PYGO1: variants seen among roughly 807,000 people sequenced by gnomAD.
PYGO1 encodes the protein pygopus homolog 1.
A neutral mutation model predicts 29.5 loss-of-function variants in PYGO1; 6 were observed. That is an observed-to-expected ratio of 0.20 (90% confidence interval 0.11 to 0.40). The LOEUF (loss-of-function observed/expected upper bound fraction) is 0.40. Among genes scored for constraint, PYGO1 ranks in the 10% least tolerant of loss-of-function variants. The pLI is 1.00. For missense variants in PYGO1, 515 were observed against 514.9 expected, an observed-to-expected ratio of 1.00 and a Z score of 0.00; for synonymous variants, 186 against 180.5, an observed-to-expected ratio of 1.03 and a Z score of -0.24.
chr15:55,577,110 G>T (rs182989216), intron 1 of PYGO1, among the ~76,000 whole-genome samples: 44 of 152,182 alleles, frequency 2.9e-4, no homozygotes, highest in Non-Finnish European at 5.4e-4. Context: ...CAAAGATGTG[G>T]GACAGAAAGT....
chr15:55,563,176 GA>G (rs2058940540), intron 1 of PYGO1, among the ~76,000 whole-genome samples: 1 of 151,972 alleles, frequency 6.6e-6, no homozygotes. Context: ...CACAATGGGG[GA>G]AAATATTTGC....
Position 55,558,902 on chromosome 15 carries a change from A to G in PYGO1, c.50-9907T>C, listed in dbSNP as rs559098160. Reference sequence around the variant, plus strand: ...ATCCCTAGAAGAAAACCTAGGCAATACCATTCAGGACATAGGCATGGGCAA... The same window carrying G: ...ATCCCTAGAAGAAAACCTAGGCAATGCCATTCAGGACATAGGCATGGGCAA... On this transcript the variant is annotated intron_variant, in intron 1 of 2. Coordinates refer to ENST00000563719, the MANE Select transcript of PYGO1 (RefSeq NM_001367806.1). Among the ~76,000 whole-genome samples the G allele has an allele frequency of 5.9e-3, 896 of 152,000 alleles. 11 individuals are homozygous for G. Among genetic ancestry groups the G allele is most frequent in the African/African-American group, 0.02 (849 of 41,496 alleles).
chr15:55,588,423 C>G (rs1349757852), upstream of PYGO1, among the ~76,000 whole-genome samples: 1 of 148,664 alleles, frequency 6.7e-6, no homozygotes, highest in Non-Finnish European at 1.5e-5. Flanking sequence ...CGCGGCTTCC[C>G]CGCCCTGAGC....
rs1305480758 is a variant in PYGO1 at position 55,539,514 on chromosome 15, TTAA to T, written c.*6506_*6508del. ...ATTTTTCCACAAAGCAGTTCATGAA[TTAA>T]TAATACTTCTTTAGACGTCTATGAT... On this transcript the variant is annotated 3_prime_UTR_variant, in exon 3 of 3. Coordinates refer to ENST00000563719, the MANE Select transcript of PYGO1 (RefSeq NM_001367806.1). The T allele has an allele frequency of 2.0e-5, 3 of 152,048 alleles. No homozygotes were observed. The highest frequency in any genetic ancestry group is 2.9e-5 in the Non-Finnish European group (2 of 67,946). The allele number at this position is 152,048 out of a possible 1,614,324, so 9.4% of individuals were successfully genotyped here. A position where few individuals can be genotyped will look rare whatever the true frequency, so the allele number is the denominator to read the frequency against.
intron 1 of PYGO1, among the ~76,000 whole-genome samples, chr15:55,587,227 C>T (rs1169511386): frequency 6.6e-6 from 1 of 152,140 alleles, no homozygotes; most frequent in Admixed American, 6.5e-5. Flanking sequence ...CTAACCAGTG[C>T]GCAAGAAAGA....
At chr15:55,569,882 G>T (rs1320212138) in intron 1 of PYGO1, among the ~76,000 whole-genome samples, 1 of 152,152 alleles carries the variant, frequency 6.6e-6, no homozygotes, top group Non-Finnish European at 1.5e-5. Context: ...TAGCTGCACT[G>T]CCAGGTCACC....
At chr15:55,549,947 T>G (rs1400272503) in intron 1 of PYGO1, among the ~76,000 whole-genome samples, 2 of 152,172 alleles carry the variant, frequency 1.3e-5, no homozygotes, top group African/African-American at 4.8e-5. Flanking sequence ...AGTACTACTT[T>G]GAAGAAAATT....
Position 55,546,610 on chromosome 15 carries a change from G to T in PYGO1, c.673C>A (p.Pro225Thr). 6.2e-7 allele frequency: 1 copy of T among 1,613,892 alleles called. No individual in the cohort carries two copies. Among genetic ancestry groups the T allele is most frequent in the Non-Finnish European group, 8.5e-7 (1 of 1,179,946 alleles). Residue 225 changes from proline to threonine, a missense_variant, in exon 3 of 3, where the codon CCC becomes ACC. Physicochemically the swap from Pro to Thr is conservative, Grantham distance 38 (BLOSUM62 -1). Transcript: ENST00000563719. Reference sequence around the variant, plus strand: ...TTTGCTTGACCAAAAGTGTTTGGGGGAGGAATAAAAGAATGATTAGATTCT... The same window carrying T: ...TTTGCTTGACCAAAAGTGTTTGGGGTAGGAATAAAAGAATGATTAGATTCT... ...PLESNHSFIP[P>T]PNTFGQAKAP...
chr15:55,546,684 A>G lies in PYGO1; in HGVS notation c.599T>C (p.Leu200Ser). Reference protein sequence around the residue: ...QNASQVSNPDLASNFVPGNNS... With the variant: ...QNASQVSNPDSASNFVPGNNS... The stretch of plus-strand genomic sequence containing the variant: ...ATTTCCAGGAACAAAATTAGATGCC[A>G]AATCGGGGTTAGAAACTTGGCTAGC... Residue 200 changes from leucine (L) to serine (S), a missense_variant, in exon 3 of 3, where the codon TTG becomes TCG. By Grantham distance (145) the Leu-to-Ser change is moderately radical. Coordinates refer to ENST00000563719, the MANE Select transcript of PYGO1 (RefSeq NM_001367806.1). 6.2e-7 allele frequency: 1 copy of G among 1,614,110 alleles called. No individual in the cohort carries two copies. Among genetic ancestry groups the G allele is most frequent in the Non-Finnish European group, 8.5e-7 (1 of 1,179,974 alleles).
chr15:55,554,676 T>C (rs992353406), intron 1 of PYGO1, among the ~76,000 whole-genome samples: 3 of 151,908 alleles, frequency 2.0e-5, no homozygotes, highest in Non-Finnish European at 2.9e-5. Flanking sequence ...AAGAGGAATA[T>C]AGGTGACATG....
At chr15:55,561,088 A>G (rs981301360) in intron 1 of PYGO1, among the ~76,000 whole-genome samples, 1 of 152,214 alleles carries the variant, frequency 6.6e-6, no homozygotes, top group African/African-American at 2.4e-5. Context: ...TTCAAACTAT[A>G]CTACAAGGCT....
chr15:55,552,498 A>G (rs1013002689), intron 1 of PYGO1, among the ~76,000 whole-genome samples: 2 of 152,096 alleles, frequency 1.3e-5, no homozygotes, highest in African/African-American at 4.8e-5. Context: ...CAAGTGAACA[A>G]CTTGACCCAC....
intron 1 of PYGO1, among the ~76,000 whole-genome samples, chr15:55,579,578 C>G (rs1032103224): frequency 6.6e-6 from 1 of 152,038 alleles, no homozygotes; most frequent in African/African-American, 2.4e-5. Flanking sequence ...TGCAGTGGCA[C>G]CATCACAACT....
chr15:55,541,028 G>C lies in PYGO1; in HGVS notation c.*4995C>G, dbSNP rs1297587567. 12 of 152,140 alleles carry C rather than the reference G, an allele frequency of 7.9e-5. No homozygotes were observed. Among genetic ancestry groups the C allele is most frequent in the Non-Finnish European group, 1.6e-4 (11 of 68,026 alleles). The allele number at this position is 152,140 out of a possible 1,614,324, so 9.4% of individuals were successfully genotyped here. ...ACATCTACAGAACAAGAAAGGTACA[G>C]GTATTTAGAATAAGTTTTAATATAA... On this transcript the variant is annotated 3_prime_UTR_variant, in exon 3 of 3. Coordinates refer to ENST00000563719, the MANE Select transcript of PYGO1 (RefSeq NM_001367806.1).
Position 55,545,858 on chromosome 15 carries a change from A to C in PYGO1, c.*165T>G. Reference sequence around the variant, plus strand: ...ATTATTCTCATTTAAGACAGCAAGCAAAGACAATAAAAAATTTGCTCTAGT... The same window carrying C: ...ATTATTCTCATTTAAGACAGCAAGCCAAGACAATAAAAAATTTGCTCTAGT... On this transcript the variant is annotated 3_prime_UTR_variant, in exon 3 of 3. Transcript: ENST00000563719. The C allele has an allele frequency of 1.5e-6, 1 of 682,452 alleles. No homozygotes were observed. Among genetic ancestry groups the C allele is most frequent in the Non-Finnish European group, 2.3e-6 (1 of 429,408 alleles). 42.3% of individuals were successfully genotyped at this position (682,452 alleles called of 1,614,324 possible).
At chr15:55,556,316 C>T (rs115038046) in intron 1 of PYGO1, among the ~76,000 whole-genome samples, 3,116 of 152,256 alleles carry the variant, frequency 0.02, 102 homozygotes, top group East Asian at 0.12. Context: ...CACCACAGCG[C>T]AATCAAATGA....
At position 55,544,703 on chromosome 15, in the gene PYGO1, G is replaced by C. The variant is rs184434612; in HGVS notation, c.*1320C>G. On this transcript the variant is annotated 3_prime_UTR_variant, in exon 3 of 3. Coordinates refer to ENST00000563719, the MANE Select transcript of PYGO1 (RefSeq NM_001367806.1). ...TCTTCAGAATTTTTTTGGTTGCAAT[G>C]ATAATGGTGGCAACATATTAGGGAG... The C allele has an allele frequency of 4.6e-5, 7 of 152,118 alleles. No homozygotes were observed. Among genetic ancestry groups the C allele is most frequent in the Non-Finnish European group, 8.8e-5 (6 of 67,988 alleles). The allele number at this position is 152,118 out of a possible 1,614,324, so 9.4% of individuals were successfully genotyped here.
intron 2 of PYGO1, 145 bp from the exon 3 acceptor site, chr15:55,547,292 T>A: frequency 1.8e-6 from 1 of 564,298 alleles, no homozygotes; most frequent in Non-Finnish European, 2.8e-6. Flanking sequence ...ACTTGACCTT[T>A]CAATTTTGAC....
Position 55,546,093 on chromosome 15 carries a change from G to A in PYGO1, c.1190C>T (p.Ala397Val). Residue 397 changes from alanine (A) to valine (V), a missense_variant, in exon 3 of 3, where the codon GCT (alanine) becomes GTT (valine). Physicochemically the swap from Ala to Val is moderately conservative, Grantham distance 64. Transcript: ENST00000563719. ...SAVWGCDTCM[A>V]DKDVQLMRTR... ...ACGCATTAACTGGACATCTTTGTCA[G>A]CCATACAGGTATCACAGCCCCATAC... is the stretch of plus-strand genomic sequence containing the variant. The A allele has an allele frequency of 6.2e-7, 1 of 1,614,176 alleles. No homozygotes were observed. The highest frequency in any genetic ancestry group is 8.5e-7 in the Non-Finnish European group (1 of 1,180,014).
Sources: gnomAD v4.1 joint callset for allele counts (sites outside exome capture counted in the v4.1 genomes callset) on GRCh38, gnomAD v4.1.1 for gene constraint, MANE v1.5 for transcripts, NCBI Gene and HGNC (gene_info 2026-07-23, HGNC 2026-07-21) for gene names.